The following FGF1 variants were observed in gnomAD, a reference collection of about 807,000 sequenced individuals.
FGF1 encodes beta-endothelial cell growth factor.
A neutral mutation model predicts 13.4 loss-of-function variants in FGF1; 9 were observed. The observed-to-expected ratio is 0.67, with a 90% CI of 0.40 to 1.17. The LOEUF (loss-of-function observed/expected upper bound fraction) is 1.17. Among genes scored for constraint, FGF1 ranks in the 50% most tolerant of loss-of-function variants. FGF1 has a pLI of 0.01. For missense variants in FGF1, 156 were observed against 192.7 expected (o/e 0.81, Z 1.13); for synonymous variants, 93 against 79.0 (o/e 1.18, Z -0.94).
At chr5:142,646,779 A>C (rs996308855) in intron 1 of FGF1, among the ~76,000 whole-genome samples, 1 of 152,212 alleles carries the variant, frequency 6.6e-6, no homozygotes, top group Non-Finnish European at 1.5e-5. Flanking sequence ...GGTGTGAGCC[A>C]CTGCGCCCGG....
At chr5:142,636,456 G>A (rs1158970198) in intron 1 of FGF1, among the ~76,000 whole-genome samples, 1 of 152,198 alleles carries the variant, frequency 6.6e-6, no homozygotes, top group Admixed American at 6.5e-5. Context: ...AACAATCGGA[G>A]GACTCATTCA....
At chr5:142,648,174 T>C (rs2151967471) in intron 1 of FGF1, among the ~76,000 whole-genome samples, 1 of 152,298 alleles carries the variant, frequency 6.6e-6, no homozygotes, top group East Asian at 1.9e-4. Context: ...TTGTACTGTG[T>C]TCACACCAAG....
upstream of FGF1, among the ~76,000 whole-genome samples, chr5:142,689,917 G>A (rs556827679): frequency 1.9e-3 from 284 of 149,672 alleles, 1 homozygote; most frequent in Non-Finnish European, 2.8e-3. Context: ...TAGCCAGAAT[G>A]GTCTCGATCT....
intron 1 of FGF1, among the ~76,000 whole-genome samples, chr5:142,619,456 C>T (rs921683875): frequency 2.0e-5 from 3 of 152,156 alleles, no homozygotes; most frequent in African/African-American, 4.8e-5. Context: ...TGAATGGCAT[C>T]ACCCAAAATC....
chr5:142,682,330 C>T (rs1456452581), intron 1 of FGF1, among the ~76,000 whole-genome samples: 8 of 152,106 alleles, frequency 5.3e-5, no homozygotes, highest in Admixed American at 2.0e-4. Context: ...GTGATCCACC[C>T]GCCTTGGCCT....
chr5:142,633,171 G>T (rs564734926), intron 1 of FGF1, among the ~76,000 whole-genome samples: 5 of 151,976 alleles, frequency 3.3e-5, no homozygotes, highest in African/African-American at 1.2e-4. Flanking sequence ...CACCTGCTTC[G>T]GCCTCCCAAA....
intron 1 of FGF1, among the ~76,000 whole-genome samples, chr5:142,620,382 C>T (rs905551864): frequency 2.6e-5 from 4 of 151,800 alleles, no homozygotes; most frequent in Non-Finnish European, 4.4e-5. Context: ...CGCGCCACTG[C>T]ACTCCAGCCT....
rs980276216 is a variant in FGF1, at chr5:142,593,258, T to G, written c.*2032A>C. Reference sequence around the variant, plus strand: ...TCTTTTTCTGGCCAAATCTTCATACTAAAGAGACGTTAAGCCACACTGCAT... The same window carrying G: ...TCTTTTTCTGGCCAAATCTTCATACGAAAGAGACGTTAAGCCACACTGCAT... On this transcript the variant is annotated 3_prime_UTR_variant, in exon 4 of 4. Transcript: ENST00000337706. The G allele has an allele frequency of 6.6e-6, 1 of 152,218 alleles. No individual in the cohort carries two copies. Among genetic ancestry groups the G allele is most frequent in the East Asian group, 1.9e-4 (1 of 5,204 alleles). 9.4% of individuals were successfully genotyped at this position (152,218 alleles called of 1,614,324 possible).
chr5:142,687,748 A>G (rs1448178219), upstream of FGF1, among the ~76,000 whole-genome samples: 1 of 152,202 alleles, frequency 6.6e-6, no homozygotes, highest in Non-Finnish European at 1.5e-5. Context: ...AAGGACAGAG[A>G]TGCAGACTCA....
intron 1 of FGF1, among the ~76,000 whole-genome samples, chr5:142,659,231 GT>G (rs11340338): frequency 0.42 from 54,403 of 130,992 alleles, 9,129 homozygotes; most frequent in African/African-American, 0.54. Context: ...TCTTGCGTCA[GT>G]TTTTTTTTTT....
At chr5:142,621,226 C>T (rs768532587) in intron 1 of FGF1, 1 of 152,348 alleles carries the variant, frequency 6.6e-6, no homozygotes, top group Non-Finnish European at 1.5e-5. Flanking sequence ...CATCATTTGA[C>T]CCCTTCTTAA....
intron 1 of FGF1, chr5:142,679,995 A>C (rs775607476): frequency 1.3e-5 from 2 of 152,234 alleles, no homozygotes; most frequent in Non-Finnish European, 2.9e-5. Flanking sequence ...TGAAAGAAGG[A>C]CTTGTTCCAA....
At chr5:142,630,472 A>T (rs1207768954) in intron 1 of FGF1, among the ~76,000 whole-genome samples, 1 of 152,094 alleles carries the variant, frequency 6.6e-6, no homozygotes, top group Non-Finnish European at 1.5e-5. Context: ...AGCCAGAGAG[A>T]TCTTTTAAAG....
intron 3 of FGF1, among the ~76,000 whole-genome samples, chr5:142,597,016 G>A (rs1037392434): frequency 2.0e-5 from 3 of 151,980 alleles, no homozygotes; most frequent in Admixed American, 6.5e-5. Flanking sequence ...TACTGCTAAC[G>A]AGAAAAATGC....
intron 1 of FGF1, among the ~76,000 whole-genome samples, chr5:142,615,609 C>T (rs1760073611): frequency 6.6e-6 from 1 of 152,036 alleles, no homozygotes; most frequent in Non-Finnish European, 1.5e-5. Context: ...AAATCATCAC[C>T]CTCATCATTA....
In FGF1 at chr5:142,593,958, G is replaced by A. The variant is rs1754751843; in HGVS notation, c.*1332C>T. The A allele has an allele frequency of 6.6e-6, 1 of 152,606 alleles. No homozygotes were observed. The highest frequency in any genetic ancestry group is 1.5e-5 in the Non-Finnish European group (1 of 68,034). 9.5% of individuals were successfully genotyped at this position (152,606 alleles called of 1,614,324 possible). ...AAATGGTCTCCTGGGAAAAGCTGTT[G>A]GTAAGGGTTTAACATTTTTGAAGTA... is the stretch of plus-strand genomic sequence containing the variant. On this transcript the variant is annotated 3_prime_UTR_variant, in exon 4 of 4. Transcript: ENST00000337706.
chr5:142,656,751 A>G (rs1247733485), intron 1 of FGF1, among the ~76,000 whole-genome samples: 1 of 152,222 alleles, frequency 6.6e-6, no homozygotes, highest in African/African-American at 2.4e-5. Context: ...AGGAAGCCTC[A>G]GGACAATATA....
intron 1 of FGF1, among the ~76,000 whole-genome samples, chr5:142,655,014 T>C (rs985711789): frequency 3.9e-5 from 6 of 152,230 alleles, no homozygotes; most frequent in African/African-American, 1.4e-4. Flanking sequence ...AGGAAAACAG[T>C]CAGTTCTTTG....
intron 1 of FGF1, chr5:142,672,127 T>A (rs931561795): frequency 2.0e-5 from 3 of 152,050 alleles, no homozygotes; most frequent in Non-Finnish European, 2.9e-5. Context: ...TGTGCATAAA[T>A]AGATAGGTAG....
Sources: allele counts gnomAD v4.1 joint callset (sites outside exome capture counted in the v4.1 genomes callset), GRCh38; gene constraint gnomAD v4.1.1; transcripts MANE v1.5; gene names NCBI Gene and HGNC (gene_info 2026-07-23, HGNC 2026-07-21).